The following HERC2 variants were observed in gnomAD, a reference collection of about 807,000 sequenced individuals.
HERC2 encodes the protein E3 ubiquitin-protein ligase HERC2.
Under a neutral mutation model 537.7 loss-of-function variants are expected in HERC2, and 102 were observed. The ratio of observed to expected loss-of-function variants is 0.19; its 90% confidence interval spans 0.16 to 0.22. The LOEUF (loss-of-function observed/expected upper bound fraction) is 0.22. Among genes scored for constraint, HERC2 ranks in the 10% least tolerant of loss-of-function variants. The pLI, the probability that HERC2 is intolerant of heterozygous loss-of-function variation, is 1.00. For missense variants in HERC2, 4,236 were observed against 6,198.2 expected (o/e 0.68, Z 10.63); for synonymous variants, 2,224 against 2,466.2 (o/e 0.90, Z 2.91).
chr15:28,135,944 G>A (rs1195774893), intron 78 of HERC2, among the ~76,000 whole-genome samples: 2 of 151,952 alleles, frequency 1.3e-5, no homozygotes, highest in African/African-American at 4.8e-5. Context: ...CTTCTTGCTG[G>A]AAGCTCTTCC....
rs746182415 is a variant in HERC2 at position 28,270,801 on chromosome 15, T to C, written c.1151A>G (p.Glu384Gly). Reference sequence around the variant, plus strand: ...CGTTTGTCGCAGATCAATGGCAAGCTCGTTGTCTTGTGGAAGGGTGAGGTA... The same window carrying C: ...CGTTTGTCGCAGATCAATGGCAAGCCCGTTGTCTTGTGGAAGGGTGAGGTA... Reference protein sequence around the residue: ...LRYLTLPQDNELAIDLRQTAV... With the variant: ...LRYLTLPQDNGLAIDLRQTAV... Residue 384 changes from glutamate to glycine, a missense_variant, in exon 10 of 93, where the codon GAG becomes GGG. By Grantham distance (98) the Glu-to-Gly change is moderately conservative. Transcript: ENST00000261609. The C allele has an allele frequency of 9.3e-6, 15 of 1,613,818 alleles. No homozygotes were observed. Among genetic ancestry groups the C allele is most frequent in the Non-Finnish European group, 8.5e-7 (1 of 1,179,872 alleles).
Position 28,173,806 on chromosome 15 carries a change from A to AC in HERC2, c.10057+588_10057+589insG, listed in dbSNP as rs1212928222. On this transcript the variant is annotated intron_variant, in intron 65 of 92. Transcript: ENST00000261609. ...ACCCTGTCTACAAAAAAAAAAAAAAAAACCCAACCAAACAACAACAATAAC... is the reference window on the plus strand; with the variant it reads ...ACCCTGTCTACAAAAAAAAAAAAAAACAACCCAACCAAACAACAACAATAAC... 2.6e-5 allele frequency among the ~76,000 whole-genome samples: 4 copies of AC among 151,856 alleles called. No individual in the cohort carries two copies. The East Asian group carries it at 7.8e-4, about 29-fold the overall frequency.
chr15:28,295,229 A>G (rs1247702028), intron 3 of HERC2, among the ~76,000 whole-genome samples: 1 of 150,458 alleles, frequency 6.6e-6, no homozygotes, highest in Admixed American at 6.7e-5. Flanking sequence ...AGAATACAGA[A>G]TAGAACCCAG....
intron 35 of HERC2, among the ~76,000 whole-genome samples, chr15:28,225,265 A>G (rs978544765): frequency 2.6e-5 from 4 of 152,048 alleles, no homozygotes; most frequent in African/African-American, 9.7e-5. Context: ...ACAAAGACAA[A>G]AACAAAAAAA....
In HERC2 at chr15:28,268,455, C is replaced by T. The variant is rs373050129; in HGVS notation, c.1598+10G>A. On this transcript the variant is annotated intron_variant, in intron 12 of 92. Coordinates refer to ENST00000261609, the MANE Select transcript of HERC2 (RefSeq NM_004667.6). This position sits in a 1 kb window ranked among gnomAD's most constrained non-coding sequence, Gnocchi z 4.7. ...AGAGTGTGTCCCCTACAGGAATAAG[C>T]GATACATACACAGTGTCCCCATGGC... 1.1e-4 allele frequency: 182 copies of T among 1,610,898 alleles called. No homozygotes were observed. The highest frequency in any genetic ancestry group is 1.5e-4 in the Non-Finnish European group (178 of 1,178,200).
chr15:28,258,734 C>T (rs2075336360), intron 16 of HERC2, among the ~76,000 whole-genome samples: 1 of 151,480 alleles, frequency 6.6e-6, no homozygotes, highest in South Asian at 2.1e-4. Context: ...AATGACAAGA[C>T]AAAAGCAGAA....
At chr15:28,130,120 A>T in intron 83 of HERC2, 43 bp downstream of exon 83, 1 of 1,609,394 alleles carries the variant, frequency 6.2e-7, no homozygotes, top group Non-Finnish European at 8.5e-7. Flanking sequence ...CAACCCTCTT[A>T]GATTCACAGG....
At chr15:28,131,735 G>A (rs921110691) in intron 81 of HERC2, among the ~76,000 whole-genome samples, 12 of 152,116 alleles carry the variant, frequency 7.9e-5, no homozygotes, top group Non-Finnish European at 1.8e-4. Context: ...CCCCAAGCGC[G>A]TGCCGTGGCA....
rs773973266 is a variant in HERC2, at chr15:28,167,844, CAGTAGGGGA to C, written c.10414-26_10414-18del. 2 of 1,589,606 alleles carry C rather than the reference CAGTAGGGGA, an allele frequency of 1.3e-6. No individual in the cohort carries two copies. The highest frequency in any genetic ancestry group is 3.8e-5 in the Admixed American group (2 of 52,502). On this transcript the variant is annotated intron_variant, in intron 67 of 92. Transcript: ENST00000261609. Reference sequence around the variant, plus strand: ...GGAAACAATCTAGTCCAAGAGTGCACAGTAGGGGAAGTTTAAGTGGAAAAACTCAGCAAC... The same window carrying C: ...GGAAACAATCTAGTCCAAGAGTGCACAGTTTAAGTGGAAAAACTCAGCAAC...
At chr15:28,119,509 G>A (rs1479819342) in intron 86 of HERC2, among the ~76,000 whole-genome samples, 2 of 147,836 alleles carry the variant, frequency 1.4e-5, no homozygotes, top group Non-Finnish European at 3.0e-5. Context: ...ACTGGAGTAC[G>A]CTGGTATGAT....
chr15:28,284,482 C>T (rs2076101623), intron 4 of HERC2, among the ~76,000 whole-genome samples: 1 of 151,758 alleles, frequency 6.6e-6, no homozygotes, highest in Non-Finnish European at 1.5e-5. Context: ...CATGATCCAA[C>T]TATATGTTGT....
chr15:28,167,608 A>G (rs1159705399), intron 68 of HERC2, 79 bp downstream of exon 68: 4 of 1,532,464 alleles, frequency 2.6e-6, no homozygotes, highest in Non-Finnish European at 2.7e-6. Context: ...ACTGTGTTCC[A>G]CTCCTAAGTT....
intron 45 of HERC2, among the ~76,000 whole-genome samples, chr15:28,205,353 T>A (rs1898324582): frequency 8.4e-6 from 1 of 118,920 alleles, no homozygotes; most frequent in African/African-American, 4.0e-5. Context: ...ACCAGGCCCT[T>A]TAAAATGAAC....
Position 28,273,019 on chromosome 15 carries a change from G to T in HERC2, c.801-15C>A. On this transcript the variant is annotated splice_polypyrimidine_tract_variant and intron_variant, in intron 7 of 92. Transcript: ENST00000261609. ...CGTGAACATCCCTGAAATGAAAGCA[G>T]TGGATGCAGGAACAAAGCAACCTCC... 1 of 1,598,704 alleles carries T rather than the reference G, an allele frequency of 6.3e-7. No individual in the cohort carries two copies. Among genetic ancestry groups the T allele is most frequent in the Non-Finnish European group, 8.6e-7 (1 of 1,167,738 alleles).
chr15:28,250,498 T>G (rs528783861), intron 20 of HERC2, among the ~76,000 whole-genome samples: 1 of 152,348 alleles, frequency 6.6e-6, no homozygotes, highest in Admixed American at 6.5e-5. Context: ...AATCAAAACG[T>G]GTAATTCTGA....
At chr15:28,178,758 T>C (rs1895538309) in intron 59 of HERC2, 129 bp downstream of exon 59, 1 of 1,037,868 alleles carries the variant, frequency 9.6e-7, no homozygotes. Context: ...GAGATTTACA[T>C]TATCCAATTT....
At chr15:28,204,605 C>A (rs1488258164) in intron 45 of HERC2, among the ~76,000 whole-genome samples, 5 of 135,000 alleles carry the variant, frequency 3.7e-5, no homozygotes, top group African/African-American at 1.5e-4. Flanking sequence ...GGAGACAGAG[C>A]GAGACTCCGT....
chr15:28,142,298 G>C lies in HERC2; in HGVS notation c.11640C>G (p.Ala3880=), dbSNP rs138827571. Residue 3880 remains alanine (A), a synonymous_variant, in exon 76 of 93, where the codon GCC becomes GCG. Coordinates refer to ENST00000261609, the MANE Select transcript of HERC2 (RefSeq NM_004667.6). The part of the protein sequence containing the change: ...KWAWFRRYCM[A]SRVAVALDKR... ...TGTCAAGGGCCACAGCAACACGGGA[G>C]GCCATGCAGTACCTCCGGAACCAGG... The C allele has an allele frequency of 4.3e-4, 702 of 1,614,092 alleles. 2 individuals are homozygous for C. The highest frequency in any genetic ancestry group is 5.5e-4 in the Non-Finnish European group (649 of 1,180,040).
intron 2 of HERC2, among the ~76,000 whole-genome samples, chr15:28,318,459 TC>T (rs1418793905): frequency 6.6e-6 from 1 of 152,142 alleles, no homozygotes; most frequent in Non-Finnish European, 1.5e-5. Flanking sequence ...GAGCCCTGTC[TC>T]TACTAAAAGT....
Sources: gnomAD v4.1 joint callset for allele counts (sites outside exome capture counted in the v4.1 genomes callset) on GRCh38, gnomAD v4.1.1 for gene constraint, Gnocchi (gnomAD v3.1) non-coding constraint, MANE v1.5 for transcripts, NCBI Gene and HGNC (gene_info 2026-07-23, HGNC 2026-07-21) for gene names.